BID: variants seen among roughly 807,000 people sequenced by gnomAD.
The protein encoded by BID is BH3-interacting domain death agonist.
BID carries 19 observed loss-of-function variants against 17.4 expected under a neutral mutation model. The observed-to-expected ratio is 1.09, with a 90% CI of 0.76 to 1.60. The LOEUF is 1.60. Among genes scored for constraint, BID ranks in the 40% most tolerant of loss-of-function variants. The probability of loss-of-function intolerance (pLI) is 0.00; values close to 1 mark genes in which losing one functional copy is unlikely to be tolerated. For missense variants in BID, 226 were observed against 256.0 expected (o/e 0.88, Z 0.80); for synonymous variants, 108 against 102.8 (o/e 1.05, Z -0.31).
intron 2 of BID, among the ~76,000 whole-genome samples, chr22:17,748,572 G>T (rs1197811503): frequency 1.3e-5 from 2 of 152,196 alleles, no homozygotes; most frequent in East Asian, 1.9e-4. Context: ...GGGAAAAAAG[G>T]CTGAACCCTA....
At chr22:17,754,465 C>G (rs2061566636) in intron 1 of BID, among the ~76,000 whole-genome samples, 1 of 152,258 alleles carries the variant, frequency 6.6e-6, no homozygotes. Flanking sequence ...CAGGGGGCGC[C>G]AGGCCCTCAC....
chr22:17,753,719 G>A (rs562373307), intron 1 of BID, among the ~76,000 whole-genome samples: 3 of 152,366 alleles, frequency 2.0e-5, no homozygotes, highest in African/African-American at 7.2e-5. Context: ...GCAGCCAGGA[G>A]TTCATGCCCT....
At chr22:17,766,080 A>G (rs2061676249) in intron 1 of BID, among the ~76,000 whole-genome samples, 1 of 151,916 alleles carries the variant, frequency 6.6e-6, no homozygotes, top group African/African-American at 2.4e-5. Context: ...CACAACCACC[A>G]TGCCCGGCTA....
chr22:17,761,643 G>C (rs1300490033), intron 1 of BID, among the ~76,000 whole-genome samples: 1 of 152,038 alleles, frequency 6.6e-6, no homozygotes, highest in Admixed American at 6.6e-5. Flanking sequence ...GTGTTAGCCA[G>C]GATGGTCTCG....
chr22:17,742,303 C>A (rs1230894715), intron 3 of BID, among the ~76,000 whole-genome samples: 5 of 152,228 alleles, frequency 3.3e-5, no homozygotes, highest in Admixed American at 2.6e-4. Flanking sequence ...AACACCAGGG[C>A]AGACTGGGGC....
At chr22:17,765,422 C>A (rs922737376) in intron 1 of BID, among the ~76,000 whole-genome samples, 2 of 152,180 alleles carry the variant, frequency 1.3e-5, no homozygotes, top group African/African-American at 4.8e-5. Context: ...TTCTGTCTTA[C>A]CGAGTAAGTA....
chr22:17,756,320 T>C (rs566930477), intron 1 of BID, among the ~76,000 whole-genome samples: 1 of 152,342 alleles, frequency 6.6e-6, no homozygotes, highest in Admixed American at 6.5e-5. Flanking sequence ...GACGCAAAAC[T>C]GGGCCCAACA....
rs1244072896 is a variant in BID, at chr22:17,766,527, C to T, written c.-59+7854G>A. ...AACTCCCGACCTCAGGTGATCGACC[C>T]GCCTCGGCCTCCCAAAGTGCTGGGA... On this transcript the variant is annotated intron_variant, in intron 1 of 5. Transcript: ENST00000622694. Among the ~76,000 whole-genome samples the T allele has an allele frequency of 3.3e-5, 5 of 151,774 alleles. No homozygotes were observed. The South Asian group carries it at 6.2e-4, about 19-fold the overall frequency.
chr22:17,738,959 G>C (rs2061438700), intron 4 of BID, among the ~76,000 whole-genome samples: 1 of 152,182 alleles, frequency 6.6e-6, no homozygotes, highest in Non-Finnish European at 1.5e-5. Context: ...AGCTCAGAAA[G>C]TTGTGTGGAT....
chr22:17,753,111 C>G (rs551614348), intron 1 of BID, among the ~76,000 whole-genome samples: 1 of 148,248 alleles, frequency 6.7e-6, no homozygotes, highest in Non-Finnish European at 1.5e-5. Context: ...GGACTACAGG[C>G]GCCCACCACC....
chr22:17,770,377 T>G (rs1431768648), intron 1 of BID, among the ~76,000 whole-genome samples: 2 of 152,146 alleles, frequency 1.3e-5, no homozygotes, highest in Non-Finnish European at 2.9e-5. Flanking sequence ...ACCTGACATG[T>G]GACATCCACT....
chr22:17,762,438 G>A (rs1238447393), intron 1 of BID, among the ~76,000 whole-genome samples: 1 of 152,202 alleles, frequency 6.6e-6, no homozygotes, highest in African/African-American at 2.4e-5. Context: ...AGAGGTTGCA[G>A]TGAGCCAAGA....
At chr22:17,758,030 CG>C (rs1569048934) in intron 1 of BID, among the ~76,000 whole-genome samples, 1 of 152,218 alleles carries the variant, frequency 6.6e-6, no homozygotes, top group East Asian at 1.9e-4. Context: ...CATGGCTTCC[CG>C]GATGGTTGCT....
chr22:17,742,721 G>A (rs778622797), intron 3 of BID, among the ~76,000 whole-genome samples: 1 of 152,206 alleles, frequency 6.6e-6, no homozygotes, highest in Non-Finnish European at 1.5e-5. Context: ...CCCTAAAACA[G>A]CCTGATGCAG....
chr22:17,741,898 A>G (rs1250253849), intron 3 of BID, among the ~76,000 whole-genome samples: 1 of 152,068 alleles, frequency 6.6e-6, no homozygotes, highest in Non-Finnish European at 1.5e-5. Context: ...TGCAGCCCCA[A>G]AGTTTTCCTG....
At chr22:17,768,360 G>A (rs768794787) in intron 1 of BID, among the ~76,000 whole-genome samples, 5 of 152,248 alleles carry the variant, frequency 3.3e-5, no homozygotes, top group Non-Finnish European at 5.9e-5. Flanking sequence ...AGAGGTCGGA[G>A]GCTCCACCAC....
intron 3 of BID, chr22:17,740,093 C>T (rs770544186): frequency 1.7e-5 from 27 of 1,611,334 alleles, no homozygotes; most frequent in Non-Finnish European, 2.2e-5. Flanking sequence ...ACTGTCGCAG[C>T]TCCATGAAGG....
rs1208800532 is a variant in BID, at chr22:17,748,187, C to T, written c.12+1918G>A. ...TCACATCACTGCACTCCAGCCTGGG[C>T]GACAGAGCAAAACTGCGTCTCAAAA... On this transcript the variant is annotated intron_variant, in intron 2 of 5. Coordinates refer to ENST00000622694, the MANE Select transcript of BID (RefSeq NM_001196.4). Among the ~76,000 whole-genome samples, 4 of 147,324 alleles carry T rather than the reference C, an allele frequency of 2.7e-5. No homozygotes were observed. The East Asian group carries it at 6.1e-4, about 23-fold the overall frequency.
chr22:17,739,308 G>T, intron 4 of BID, 41 bp downstream of exon 4: 3 of 1,511,498 alleles, frequency 2.0e-6, no homozygotes, highest in Non-Finnish European at 2.7e-6. Flanking sequence ...GGCCCCCTTG[G>T]CTCACTTGCC....
Sources: allele counts gnomAD v4.1 joint callset (sites outside exome capture counted in the v4.1 genomes callset), GRCh38; gene constraint gnomAD v4.1.1; transcripts MANE v1.5; gene names NCBI Gene and HGNC (gene_info 2026-07-23, HGNC 2026-07-21).